CHTF18: variants seen among roughly 807,000 people sequenced by gnomAD.
The protein encoded by CHTF18 is chromosome transmission fidelity factor 18, also known as chromosome transmission fidelity protein 18 homolog.
Under a neutral mutation model 113.4 loss-of-function variants are expected in CHTF18, and 151 were observed. The ratio of observed to expected loss-of-function variants is 1.33; its 90% CI spans 1.17 to 1.52. The LOEUF is 1.52. Among genes scored for constraint, CHTF18 ranks in the 40% most tolerant of loss-of-function variants. CHTF18 has a pLI of 0.00. For missense variants in CHTF18, 1,982 were observed against 1,381.6 expected (o/e 1.43, Z -6.89); for synonymous variants, 916 against 598.8 (o/e 1.53, Z -7.74).
intron 7 of CHTF18, 146 bp from the exon 8 acceptor site, chr16:791,015 G>A (rs1026636606): frequency 2.9e-5 from 43 of 1,472,178 alleles, no homozygotes; most frequent in East Asian, 5.0e-5. Flanking sequence ...TGAGCCTTGC[G>A]GTCACTCGCT....
At position 795,673 on chromosome 16, in the gene CHTF18, C is replaced by T. The variant is rs755644175; in HGVS notation, c.2176-12C>T. On this transcript the variant is annotated splice_polypyrimidine_tract_variant and intron_variant, in intron 16 of 21. Coordinates refer to ENST00000262315, the MANE Select transcript of CHTF18 (RefSeq NM_022092.3). ...CCCAGGTGACCAGGCCTTGGCTCAC[C>T]CCCTGCCCCAGGCCCAGAACCGGAT... is the stretch of plus-strand genomic sequence containing the variant. 1.9e-6 allele frequency: 3 copies of T among 1,580,888 alleles called. No homozygotes were observed. The highest frequency in any genetic ancestry group is 2.2e-5 in the South Asian group (2 of 89,062).
At chr16:794,302 T>G (rs2042280021) in intron 15 of CHTF18, 101 bp downstream of exon 15, 2 of 1,386,066 alleles carry the variant, frequency 1.4e-6, no homozygotes, top group Non-Finnish European at 2.0e-6. Context: ...GGGAGGCGCT[T>G]TGGGGGTGCT....
chr16:788,891 C>T (rs780861670), intron 1 of CHTF18, 40 bp from the exon 2 acceptor site: 434 of 1,507,742 alleles, frequency 2.9e-4, no homozygotes, highest in Middle Eastern at 2.1e-3. Context: ...GCGGGATCTG[C>T]TGTCTCGGGG....
chr16:792,228 G>C lies in CHTF18; in HGVS notation c.1207G>C (p.Asp403His), dbSNP rs761377253. The C allele has an allele frequency of 6.4e-7, 1 of 1,571,004 alleles. No individual in the cohort carries two copies. Among genetic ancestry groups the C allele is most frequent in the East Asian group, 2.4e-5 (1 of 41,858 alleles). The change falls in exon 10 of 22, where the codon GAC becomes CAC. Residue 403 changes from aspartate to histidine, a missense_variant. Coordinates refer to ENST00000262315, the MANE Select transcript of CHTF18 (RefSeq NM_022092.3). ...YSVVEMNASD[D>H]RSPEVFRTRI... is the part of the protein sequence containing the mutation. Reference sequence around the variant, plus strand: ...CCCCTGACCTCCCCATTGCAGTGACGACCGTAGCCCGGAGGTCTTCCGCAC... The same window carrying C: ...CCCCTGACCTCCCCATTGCAGTGACCACCGTAGCCCGGAGGTCTTCCGCAC...
Position 793,080 on chromosome 16 carries a change from G to A in CHTF18, c.1671+16G>A. On this transcript the variant is annotated intron_variant, in intron 13 of 21. Coordinates refer to ENST00000262315, the MANE Select transcript of CHTF18 (RefSeq NM_022092.3). ...CACCCTGCAGGTGGGCGGCCGGCAGGCACCGGGTGGGGTGGGGTGGGGTCA... is the reference window on the plus strand; with the variant it reads ...CACCCTGCAGGTGGGCGGCCGGCAGACACCGGGTGGGGTGGGGTGGGGTCA... 1.3e-6 allele frequency: 2 copies of A among 1,533,242 alleles called. No individual in the cohort carries two copies. The highest frequency in any genetic ancestry group is 1.9e-5 in the Admixed American group (1 of 53,434). The allele number at this position is 1,533,242 out of a possible 1,614,324, so 95.0% of individuals were successfully genotyped here. A position where few individuals can be genotyped will look rare whatever the true frequency, so the allele number is the denominator to read the frequency against.
At chr16:790,034 T>C in intron 4 of CHTF18, 143 bp from the exon 5 acceptor site, 1 of 1,535,886 alleles carries the variant, frequency 6.5e-7, no homozygotes, top group Non-Finnish European at 8.7e-7. Context: ...CTTCATTCCT[T>C]TGGCACCCCT....
At chr16:796,127 G>A in intron 18 of CHTF18, 50 bp downstream of exon 18, 1 of 1,565,016 alleles carries the variant, frequency 6.4e-7, no homozygotes, top group Non-Finnish European at 8.6e-7. Context: ...CTCCCCGGCT[G>A]TGCTCCATGT....
chr16:793,650 G>A (rs1398534014), intron 14 of CHTF18: 4 of 537,268 alleles, frequency 7.4e-6, no homozygotes, highest in East Asian at 3.5e-5. Flanking sequence ...TTGGCCTCCC[G>A]TGGGCAGGAG....
Position 792,272 on chromosome 16 carries a change from C to A in CHTF18, c.1251C>A (p.Thr417=). The A allele has an allele frequency of 6.4e-7, 1 of 1,562,572 alleles. No individual in the cohort carries two copies. Among genetic ancestry groups the A allele is most frequent in the Non-Finnish European group, 8.7e-7 (1 of 1,154,456 alleles). ...TCCGCACACGCATCGAGGCGGCCAC[C>A]CAGATGGAGTCGGTGCTGGGTGCTG... The part of the protein sequence containing the change: ...EVFRTRIEAA[T]QMESVLGAGG... Residue 417 remains threonine (T), a synonymous_variant, in exon 10 of 22, where the codon ACC becomes ACA. Transcript: ENST00000262315.
chr16:788,648 G>T lies in CHTF18; in HGVS notation c.-37G>T, dbSNP rs777956286. The T allele has an allele frequency of 1.4e-6, 2 of 1,457,402 alleles. No individual in the cohort carries two copies. The highest frequency in any genetic ancestry group is 9.1e-7 in the Non-Finnish European group (1 of 1,099,030). 90.3% of individuals were successfully genotyped at this position (1,457,402 alleles called of 1,614,324 possible). A position where few individuals can be genotyped will look rare whatever the true frequency, so the allele number is the denominator to read the frequency against. On this transcript the variant is annotated 5_prime_UTR_variant, in exon 1 of 22. Transcript: ENST00000262315. Reference sequence around the variant, plus strand: ...CAGTGCGCGACGGCGGCGGCGGCGCGGGAGGTTCGGAGCGGGAGCTCGGGC... The same window carrying T: ...CAGTGCGCGACGGCGGCGGCGGCGCTGGAGGTTCGGAGCGGGAGCTCGGGC...
chr16:792,846 C>T (rs776847966), intron 12 of CHTF18, 35 bp downstream of exon 12: 32 of 1,534,110 alleles, frequency 2.1e-5, no homozygotes, highest in South Asian at 8.3e-5. Context: ...TGGCTGATGG[C>T]GGGGTTGGGG....
rs762838638 is a variant in CHTF18, at chr16:789,622, C to G, written c.513C>G (p.Pro171=). The G allele has an allele frequency of 1.1e-5, 18 of 1,608,640 alleles. No individual in the cohort carries two copies. Among genetic ancestry groups the G allele is most frequent in the Non-Finnish European group, 1.5e-5 (18 of 1,179,788 alleles). The change falls in exon 4 of 22, where the codon CCC becomes CCG. Residue 171 remains proline (P), a synonymous_variant. Transcript: ENST00000262315. ...PAARNPVLRR[P]PILEDYVHVT... is the part of the protein sequence containing the mutation. ...CCCGCAATCCCGTCCTGAGGCGGCC[C>G]CCCATCTTGGAGGACTACGTCCACG...
rs2042398313 is a variant in CHTF18 at position 797,820 on chromosome 16, C to T, written c.2792-19C>T. 6.3e-7 allele frequency: 1 copy of T among 1,594,780 alleles called. No individual in the cohort carries two copies. The highest frequency in any genetic ancestry group is 8.5e-7 in the Non-Finnish European group (1 of 1,171,522). On this transcript the variant is annotated intron_variant, in intron 21 of 21. Transcript: ENST00000262315. ...GTGGGGGGGCCTTACAGCTGAGGAG[C>T]AACCCTGTGGCCCCGCAGGGGACAC...
Position 796,093 on chromosome 16 carries a change from C to T in CHTF18, c.2456+16C>T. 10 of 1,593,814 alleles carry T rather than the reference C, an allele frequency of 6.3e-6. No individual in the cohort carries two copies. Among genetic ancestry groups the T allele is most frequent in the South Asian group, 1.1e-5 (1 of 87,764 alleles). The stretch of plus-strand genomic sequence containing the variant: ...GGCTGGAGCCGTGAGTCCCCCAGTG[C>T]CTGGGGTGTGCTCCAGGGTCATGCT... On this transcript the variant is annotated intron_variant, in intron 18 of 21. Transcript: ENST00000262315.
rs2042206648 is a variant in CHTF18 at position 791,891 on chromosome 16, C to T, written c.1145C>T (p.Thr382Ile). The change falls in exon 9 of 22, where the codon ACC becomes ATC. Residue 382 changes from threonine to isoleucine, a missense_variant. By Grantham distance (89) the Thr-to-Ile change is moderately conservative (BLOSUM62 -1). Transcript: ENST00000262315. Reference sequence around the variant, plus strand: ...GGGCCCCCGGGGCTGGGGAAGACCACCCTGGCACACGTGATTGCGCGTCAC... The same window carrying T: ...GGGCCCCCGGGGCTGGGGAAGACCATCCTGGCACACGTGATTGCGCGTCAC... ...LCGPPGLGKT[T>I]LAHVIARHAG... 2 of 1,609,562 alleles carry T rather than the reference C, an allele frequency of 1.2e-6. No individual in the cohort carries two copies. The highest frequency in any genetic ancestry group is 1.7e-6 in the Non-Finnish European group (2 of 1,178,732).
intron 4 of CHTF18, 121 bp from the exon 5 acceptor site, chr16:790,056 C>T: frequency 6.5e-7 from 1 of 1,536,690 alleles, no homozygotes; most frequent in Non-Finnish European, 8.7e-7. Context: ...TCCAGTCTCC[C>T]ACCCCTCACT....
Position 789,115 on chromosome 16 carries a change from C to T in CHTF18, c.276C>T (p.Ser92=). The change falls in exon 2 of 22, where the codon TCC becomes TCT. Residue 92 remains serine (S), a synonymous_variant. Transcript: ENST00000262315. The part of the protein sequence containing the change: ...QVDADLQPAG[S]LPHAPRIKRP... ...ACGCCGACCTGCAGCCGGCCGGGTC[C>T]CTGCCCCACGGTAGGTTGGCGGCAT... 6.5e-7 allele frequency: 1 copy of T among 1,537,766 alleles called. No individual in the cohort carries two copies. The highest frequency in any genetic ancestry group is 8.8e-7 in the Non-Finnish European group (1 of 1,140,682).
At position 796,084 on chromosome 16, in the gene CHTF18, C is replaced by A. The variant is rs56396829; in HGVS notation, c.2456+7C>A. The A allele has an allele frequency of 2.5e-6, 4 of 1,597,122 alleles. No individual in the cohort carries two copies. Among genetic ancestry groups the A allele is most frequent in the East Asian group, 4.6e-5 (2 of 43,956 alleles). ...ACATCTACAGGCTGGAGCCGTGAGTCCCCCAGTGCCTGGGGTGTGCTCCAG... is the reference window on the plus strand; with the variant it reads ...ACATCTACAGGCTGGAGCCGTGAGTACCCCAGTGCCTGGGGTGTGCTCCAG... On this transcript the variant is annotated splice_region_variant and intron_variant, in intron 18 of 21. Transcript: ENST00000262315.
chr16:796,275 A>G (rs1338167739), intron 18 of CHTF18, among the ~76,000 whole-genome samples, 198 bp downstream of exon 18: 1 of 152,144 alleles, frequency 6.6e-6, no homozygotes, highest in Non-Finnish European at 1.5e-5. Flanking sequence ...CTGGGACCTG[A>G]GTTTTGCTGC....
Sources: gnomAD v4.1 joint callset for allele counts (sites outside exome capture counted in the v4.1 genomes callset) on GRCh38, gnomAD v4.1.1 for gene constraint, MANE v1.5 for transcripts, NCBI Gene and HGNC (gene_info 2026-07-23, HGNC 2026-07-21) for gene names.